Variants in COL11A1 observed in about 807,000 individuals in gnomAD.
COL11A1 encodes the protein collagen alpha-1(XI) chain.
COL11A1 carries 74 observed loss-of-function variants against 265.2 expected under a neutral mutation model. The observed-to-expected ratio is 0.28, with a 90% confidence interval of 0.23 to 0.34. The LOEUF (loss-of-function observed/expected upper bound fraction) is 0.34. Ranked by LOEUF, COL11A1 falls within the 10% of genes least tolerant of loss-of-function variation. The probability of loss-of-function intolerance (pLI) is 1.00; values close to 1 mark genes in which losing one functional copy is unlikely to be tolerated. For synonymous variants in COL11A1, 816 were observed against 727.6 expected, an observed-to-expected ratio of 1.12 and a Z score of -1.96; for missense variants, 2,165 against 2,263.6, an observed-to-expected ratio of 0.96 and a Z score of 0.88.
At chr1:102,928,707 A>T (rs1410762161) in intron 46 of COL11A1, among the ~76,000 whole-genome samples, 1 of 147,024 alleles carries the variant, frequency 6.8e-6, no homozygotes, top group Admixed American at 6.8e-5. Flanking sequence ...GTACAGTCCC[A>T]CCAACAGTGT....
At chr1:103,086,856 C>G (rs773681600) in intron 1 of COL11A1, among the ~76,000 whole-genome samples, 5 of 151,570 alleles carry the variant, frequency 3.3e-5, no homozygotes, top group Admixed American at 1.3e-4. Context: ...AAAAGTAAAA[C>G]TCCATTAATT....
At chr1:103,029,223 T>C (rs1374340159) in intron 5 of COL11A1, among the ~76,000 whole-genome samples, 2 of 152,006 alleles carry the variant, frequency 1.3e-5, no homozygotes, top group Non-Finnish European at 2.9e-5. Context: ...TAATCCAAAT[T>C]AGAATAATAA....
intron 4 of COL11A1, among the ~76,000 whole-genome samples, chr1:103,057,016 T>C (rs1236278481): frequency 6.6e-6 from 1 of 152,184 alleles, no homozygotes; most frequent in African/African-American, 2.4e-5. Flanking sequence ...TATCAATTTC[T>C]TAAAATAAGG....
intron 52 of COL11A1, 139 bp from the exon 53 acceptor site, chr1:102,913,829 C>G (rs1194576181): frequency 1.2e-6 from 1 of 829,570 alleles, no homozygotes; most frequent in East Asian, 2.5e-5. Context: ...ATTCTTTTAA[C>G]CTTTTTTAAA....
At chr1:103,090,347 T>C (rs2102364000) in intron 1 of COL11A1, among the ~76,000 whole-genome samples, 1 of 152,180 alleles carries the variant, frequency 6.6e-6, no homozygotes, top group Admixed American at 6.5e-5. Context: ...AAAAAACCAG[T>C]ATTGCTACTA....
intron 41 of COL11A1, among the ~76,000 whole-genome samples, chr1:102,952,395 C>T (rs1485735937): frequency 6.6e-6 from 1 of 152,140 alleles, no homozygotes; most frequent in Admixed American, 6.5e-5. Flanking sequence ...CCGTGCCCAG[C>T]CAGATACTGT....
chr1:102,931,196 T>C (rs1657387513), intron 46 of COL11A1, among the ~76,000 whole-genome samples: 1 of 148,650 alleles, frequency 6.7e-6, no homozygotes, highest in African/African-American at 2.5e-5. Context: ...GGGTGTCAAT[T>C]TTGGATCTTT....
chr1:102,921,289 T>C (rs1655962478), intron 48 of COL11A1, among the ~76,000 whole-genome samples: 2 of 152,176 alleles, frequency 1.3e-5, no homozygotes, highest in Admixed American at 1.3e-4. Flanking sequence ...AGTAAATATC[T>C]ATTGAATGGA....
intron 5 of COL11A1, among the ~76,000 whole-genome samples, chr1:103,028,418 C>G (rs184318410): frequency 3.3e-5 from 5 of 152,224 alleles, no homozygotes; most frequent in Admixed American, 1.3e-4. Context: ...TGAATATACT[C>G]AAGACATTGC....
Position 102,926,112 on chromosome 1 carries a change from TATTG to T in COL11A1, c.3601-2727_3601-2724del, listed in dbSNP as rs761441500. Among the ~76,000 whole-genome samples, 5 of 152,150 alleles carry T rather than the reference TATTG, an allele frequency of 3.3e-5. 1 individual carries two copies. The South Asian group carries it at 6.2e-4, about 19-fold the overall frequency. On this transcript the variant is annotated intron_variant, in intron 46 of 66. Transcript: ENST00000370096. ...TTTAATTCAGTTAGATCATAGTTTG[TATTG>T]ATTAAGACAAAAAATTATTATTATT...
At chr1:102,892,160 T>C (rs1234779413) in intron 57 of COL11A1, among the ~76,000 whole-genome samples, 2 of 152,184 alleles carry the variant, frequency 1.3e-5, no homozygotes, top group Non-Finnish European at 2.9e-5. Context: ...ACTGTTCATA[T>C]GGTTTCTCTA....
intron 24 of COL11A1, among the ~76,000 whole-genome samples, 171 bp from the exon 25 acceptor site, chr1:102,998,534 T>C (rs547796489): frequency 6.6e-6 from 1 of 151,972 alleles, no homozygotes; most frequent in Non-Finnish European, 1.5e-5. Flanking sequence ...CATGTAAAGA[T>C]AAATTAAAAC....
intron 3 of COL11A1, among the ~76,000 whole-genome samples, chr1:103,076,714 G>A (rs2102292319): frequency 6.6e-6 from 1 of 152,170 alleles, no homozygotes; most frequent in Non-Finnish European, 1.5e-5. Flanking sequence ...ATCTAAAATA[G>A]TACACTCTAC....
At chr1:102,974,912 TAAC>T (rs1662321885) in intron 35 of COL11A1, 29 bp from the exon 36 acceptor site, 1 of 1,558,398 alleles carries the variant, frequency 6.4e-7, no homozygotes, top group African/African-American at 1.4e-5. Flanking sequence ...GGGGAGAAGT[TAAC>T]AATATGCCTT....
At chr1:102,939,391 A>G (rs919864868) in intron 43 of COL11A1, among the ~76,000 whole-genome samples, 2 of 152,210 alleles carry the variant, frequency 1.3e-5, no homozygotes, top group African/African-American at 4.8e-5. Flanking sequence ...TATAAAATCT[A>G]TAATTACACA....
chr1:103,084,852 A>C (rs1002308572), intron 1 of COL11A1, among the ~76,000 whole-genome samples: 1 of 152,188 alleles, frequency 6.6e-6, no homozygotes, highest in Non-Finnish European at 1.5e-5. Context: ...CACTGATATA[A>C]ACCAGAGTTA....
chr1:102,934,652 A>G (rs1657956542), intron 45 of COL11A1, 96 bp from the exon 46 acceptor site: 1 of 966,904 alleles, frequency 1.0e-6, no homozygotes, highest in Non-Finnish European at 1.7e-6. Context: ...ATCAAAGCAG[A>G]TGTATTTAAG....
chr1:103,066,896 A>C (rs556919669), intron 4 of COL11A1, among the ~76,000 whole-genome samples: 1 of 152,050 alleles, frequency 6.6e-6, no homozygotes, highest in Non-Finnish European at 1.5e-5. Flanking sequence ...GGCCATTCTA[A>C]TATCACATAA....
At chr1:103,058,600 C>T (rs900833286) in intron 4 of COL11A1, among the ~76,000 whole-genome samples, 8 of 152,086 alleles carry the variant, frequency 5.3e-5, no homozygotes, top group Non-Finnish European at 1.0e-4. Context: ...TGTGACTCTT[C>T]CTTTCCCTTG....
Sources: gnomAD v4.1 joint callset for allele counts (sites outside exome capture counted in the v4.1 genomes callset) on GRCh38, gnomAD v4.1.1 for gene constraint, MANE v1.5 for transcripts, NCBI Gene and HGNC (gene_info 2026-07-23, HGNC 2026-07-21) for gene names.